BMERB1: variants seen among roughly 807,000 people sequenced by gnomAD.
BMERB1 encodes the protein bMERB domain-containing protein 1.
Under a neutral mutation model 23.6 loss-of-function variants are expected in BMERB1, and 12 were observed. That is an observed-to-expected ratio of 0.51 (90% CI 0.33 to 0.82). The LOEUF (loss-of-function observed/expected upper bound fraction) is 0.82, where lower values mean the gene tolerates loss of function less well. BMERB1 is among the 40% of genes least tolerant of loss of function. The pLI, the probability that BMERB1 is intolerant of heterozygous loss-of-function variation, is 0.03. For missense variants in BMERB1, 247 were observed against 255.4 expected (o/e 0.97, Z 0.22); for synonymous variants, 122 against 96.6 (o/e 1.26, Z -1.54).
At chr16:15,469,543 T>C (rs1159849534) in intron 1 of BMERB1, among the ~76,000 whole-genome samples, 2 of 152,214 alleles carry the variant, frequency 1.3e-5, no homozygotes, top group Non-Finnish European at 2.9e-5. Context: ...GGGGTATTGA[T>C]AGGAATAGCA....
chr16:15,544,459 C>A (rs1296285723), intron 2 of BMERB1, among the ~76,000 whole-genome samples: 4 of 152,158 alleles, frequency 2.6e-5, no homozygotes, highest in Admixed American at 2.6e-4. Flanking sequence ...GCAGGGAAGA[C>A]TAAAATGGGT....
rs199651851 is a variant in BMERB1 at position 15,515,330 on chromosome 16, G to A, written c.132G>A (p.Ala44=). Residue 44 remains alanine (A), a synonymous_variant, in exon 2 of 6, where the codon GCG becomes GCA. Coordinates refer to ENST00000300006, the MANE Select transcript of BMERB1 (RefSeq NM_033201.3). ...ATCAGCTGGACATCATCTCCATGGC[G>A]GAGACAACCATGATGCCAGAGGAGA... ...GRNQLDIISM[A]ETTMMPEEIE... 17 of 1,613,684 alleles carry A rather than the reference G, an allele frequency of 1.1e-5. No individual in the cohort carries two copies. Among genetic ancestry groups the A allele is most frequent in the African/African-American group, 6.7e-5 (5 of 74,982 alleles).
At chr16:15,448,497 G>C (rs150172096) in intron 1 of BMERB1, among the ~76,000 whole-genome samples, 4 of 152,118 alleles carry the variant, frequency 2.6e-5, no homozygotes, top group African/African-American at 7.2e-5. Context: ...GTCTTAACCA[G>C]TTAAAAATAT....
intron 2 of BMERB1, among the ~76,000 whole-genome samples, chr16:15,534,464 G>A (rs1387539539): frequency 6.6e-6 from 1 of 151,974 alleles, no homozygotes; most frequent in Non-Finnish European, 1.5e-5. Context: ...TGAGGCTGGA[G>A]AATCCCTTGA....
chr16:15,531,007 G>C (rs1053787230), intron 2 of BMERB1, among the ~76,000 whole-genome samples: 1 of 145,802 alleles, frequency 6.9e-6, no homozygotes, highest in Non-Finnish European at 1.5e-5. Flanking sequence ...CCGGGTTCAA[G>C]CAATTATTCG....
intron 1 of BMERB1, among the ~76,000 whole-genome samples, chr16:15,481,094 A>G (rs1190006125): frequency 6.6e-6 from 1 of 152,196 alleles, no homozygotes; most frequent in Non-Finnish European, 1.5e-5. Flanking sequence ...TTATGTAGCT[A>G]TTTGGAAAAG....
intron 2 of BMERB1, among the ~76,000 whole-genome samples, chr16:15,519,074 T>TACACACAC (rs145892599): frequency 0.24 from 34,294 of 140,268 alleles, 4,600 homozygotes; most frequent in South Asian, 0.33. Context: ...ACAATCCTCT[T>TACACACAC]ACACACACAC....
chr16:15,456,272 C>A (rs1028771814), intron 1 of BMERB1, among the ~76,000 whole-genome samples: 29 of 151,014 alleles, frequency 1.9e-4, no homozygotes, highest in Non-Finnish European at 4.1e-4. Context: ...AATCAGTCTT[C>A]TTTTTTTATT....
At chr16:15,487,088 G>T (rs897412581) in intron 1 of BMERB1, among the ~76,000 whole-genome samples, 2 of 152,068 alleles carry the variant, frequency 1.3e-5, no homozygotes, top group Non-Finnish European at 2.9e-5. Context: ...TATGATAATG[G>T]GAAAATAGGG....
chr16:15,492,966 T>C (rs949580878), intron 1 of BMERB1, among the ~76,000 whole-genome samples: 1 of 151,874 alleles, frequency 6.6e-6, no homozygotes, highest in Non-Finnish European at 1.5e-5. Context: ...GTGACTTACC[T>C]CTGCAGTCTT....
At chr16:15,435,065 G>T (rs1199671346) in intron 1 of BMERB1, among the ~76,000 whole-genome samples, 1 of 152,248 alleles carries the variant, frequency 6.6e-6, no homozygotes, top group African/African-American at 2.4e-5. Context: ...CTGTGAAGTC[G>T]GGTCTCTCCC....
chr16:15,575,325 A>T (rs547963685), intron 3 of BMERB1, among the ~76,000 whole-genome samples: 1 of 152,178 alleles, frequency 6.6e-6, no homozygotes, highest in African/African-American at 2.4e-5. Context: ...TTCAGTTTCT[A>T]TAGAAAACAA....
At chr16:15,550,153 A>C (rs1281399163) in intron 2 of BMERB1, among the ~76,000 whole-genome samples, 1 of 152,054 alleles carries the variant, frequency 6.6e-6, no homozygotes, top group African/African-American at 2.4e-5. Flanking sequence ...GTTAGCCAGG[A>C]TGGTCTCTAT....
At chr16:15,486,286 A>G (rs1474104691) in intron 1 of BMERB1, among the ~76,000 whole-genome samples, 1 of 151,668 alleles carries the variant, frequency 6.6e-6, no homozygotes, top group Non-Finnish European at 1.5e-5. Flanking sequence ...ACCAAAACCC[A>G]CTGGGTTCAG....
intron 3 of BMERB1, among the ~76,000 whole-genome samples, chr16:15,573,669 G>A (rs1250479571): frequency 2.0e-5 from 3 of 152,062 alleles, no homozygotes; most frequent in Non-Finnish European, 4.4e-5. Flanking sequence ...ATCTGGGGAG[G>A]GTCAGCATCT....
intron 2 of BMERB1, among the ~76,000 whole-genome samples, chr16:15,535,990 C>A (rs114175230): frequency 3.9e-5 from 6 of 152,186 alleles, no homozygotes; most frequent in Non-Finnish European, 8.8e-5. Flanking sequence ...AGGAAACTGC[C>A]GCCATGATCC....
chr16:15,457,887 G>A (rs2051098696), intron 1 of BMERB1, among the ~76,000 whole-genome samples: 1 of 152,184 alleles, frequency 6.6e-6, no homozygotes, highest in Non-Finnish European at 1.5e-5. Flanking sequence ...TAATCATGGT[G>A]GAAGAGAAAG....
Position 15,470,587 on chromosome 16 carries a change from G to A in BMERB1, c.106+35828G>A, listed in dbSNP as rs141496947. Among the ~76,000 whole-genome samples, 1,158 of 150,850 alleles carry A rather than the reference G, an allele frequency of 7.7e-3. 19 individuals carry two copies. Among genetic ancestry groups the A allele is most frequent in the African/African-American group, 0.026 (1,086 of 41,092 alleles). On this transcript the variant is annotated intron_variant, in intron 1 of 5. Transcript: ENST00000300006. ...TGTCGCAAGGCTGGAGTGCAGTGGCGCGATCTCAGCTCACTGCAACCTCCA... is the reference window on the plus strand; with the variant it reads ...TGTCGCAAGGCTGGAGTGCAGTGGCACGATCTCAGCTCACTGCAACCTCCA...
At chr16:15,533,395 C>CTT (rs11379898) in intron 2 of BMERB1, among the ~76,000 whole-genome samples, 246 of 141,292 alleles carry the variant, frequency 1.7e-3, no homozygotes, top group African/African-American at 5.9e-3. Flanking sequence ...TCGTTTCTTT[C>CTT]TTTTTTTTTT....
Sources: allele counts gnomAD v4.1 joint callset (sites outside exome capture counted in the v4.1 genomes callset), GRCh38; gene constraint gnomAD v4.1.1; transcripts MANE v1.5; gene names NCBI Gene and HGNC (gene_info 2026-07-23, HGNC 2026-07-21).